Variants in ADA2 observed in about 807,000 individuals in gnomAD.
ADA2 encodes the protein adenosine deaminase CECR1.
A neutral mutation model predicts 44.2 loss-of-function variants in ADA2; 29 were observed. That is an observed-to-expected ratio of 0.66 (90% CI 0.49 to 0.89). The LOEUF is 0.89. Among genes scored for constraint, ADA2 ranks in the 40% least tolerant of loss-of-function variants. The pLI, the probability that ADA2 is intolerant of heterozygous loss-of-function variation, is 0.00. For synonymous variants in ADA2, 215 were observed against 234.9 expected, an observed-to-expected ratio of 0.92 and a Z score of 0.77; for missense variants, 637 against 644.8, an observed-to-expected ratio of 0.99 and a Z score of 0.13.
At chr22:17,199,446 T>TCTATCCTCATCCCCA in intron 4 of ADA2, 1 of 917,628 alleles carries the variant, frequency 1.1e-6, no homozygotes, top group East Asian at 2.8e-5. Flanking sequence ...CCTCTTCCCC[T>TCTATCCTCATCCCCA]CCACCCACGA....
chr22:17,216,856 A>G (rs1201356227), intron 1 of ADA2, among the ~76,000 whole-genome samples: 1 of 152,078 alleles, frequency 6.6e-6, no homozygotes, highest in Non-Finnish European at 1.5e-5. Flanking sequence ...AATAACAAAT[A>G]TAACCAGAGC....
At chr22:17,192,959 G>A in intron 4 of ADA2, 1 of 606,902 alleles carries the variant, frequency 1.6e-6, no homozygotes, top group East Asian at 3.4e-5. Flanking sequence ...GAACCAAAAA[G>A]TTCATCTGGC....
At chr22:17,192,121 A>G (rs2062124209) in intron 4 of ADA2, among the ~76,000 whole-genome samples, 1 of 152,056 alleles carries the variant, frequency 6.6e-6, no homozygotes, top group Non-Finnish European at 1.5e-5. Context: ...AAGTCCAGCC[A>G]GGCTGGACTT....
chr22:17,186,391 G>A (rs1421424733), intron 7 of ADA2, among the ~76,000 whole-genome samples: 3 of 148 alleles, frequency 0.02, no homozygotes, highest in African/African-American at 0.062. Flanking sequence ...GACCAGCCTG[G>A]GCCAACATGG....
intron 1 of ADA2, 150 bp from the exon 2 acceptor site, chr22:17,209,873 AG>A (rs1323435464): frequency 3.6e-6 from 2 of 551,554 alleles, no homozygotes; most frequent in African/African-American, 3.9e-5. Flanking sequence ...AGGTACAGAC[AG>A]GTAGGGGTTT....
intron 9 of ADA2, 60 bp from the exon 10 acceptor site, chr22:17,181,636 G>A: frequency 4.0e-6 from 5 of 1,250,290 alleles, no homozygotes; most frequent in Non-Finnish European, 5.9e-6. Flanking sequence ...ACGGGGCAGG[G>A]AGCCTGAGAG....
In ADA2 at chr22:17,216,771, AAC is replaced by A. The variant is rs1555888343; in HGVS notation, c.-47+2583_-47+2584del. On this transcript the variant is annotated intron_variant, in intron 1 of 9. Transcript: ENST00000399837. ...AAGACTCCACCTCAAAAAAAAAAAA[AAC>A]ACACACACACACACACATATATATA... 4.7e-4 allele frequency among the ~76,000 whole-genome samples: 64 copies of A among 135,080 alleles called. 1 individual carries two copies. Among genetic ancestry groups the A allele is most frequent in the Middle Eastern group, 3.7e-3 (1 of 272 alleles). The allele number at this position is 135,080 out of a possible 152,430, so 88.6% of individuals were successfully genotyped here.
At chr22:17,200,992 C>A (rs1317926791) in intron 4 of ADA2, among the ~76,000 whole-genome samples, 1 of 151,824 alleles carries the variant, frequency 6.6e-6, no homozygotes, top group Non-Finnish European at 1.5e-5. Context: ...AGTGGATCAG[C>A]TGAGGTCAGG....
intron 2 of ADA2, among the ~76,000 whole-genome samples, chr22:17,208,446 A>G (rs201860231): frequency 1.8e-4 from 6 of 33,324 alleles, no homozygotes; most frequent in Admixed American, 5.9e-4. Context: ...AAAAAAAAAG[A>G]AAAAAAAAAA....
intron 7 of ADA2, among the ~76,000 whole-genome samples, chr22:17,186,389 TG>T (rs11303371): frequency 1 from 152,040 of 152,058 alleles, 76,011 homozygotes; most frequent in Admixed American, 1. Flanking sequence ...AAGACCAGCC[TG>T]GGCCAACATG....
At position 17,179,930 on chromosome 22, in the gene ADA2, G is replaced by C. The variant is rs1284784944; in HGVS notation, c.*1553C>G. 1 of 152,264 alleles carries C rather than the reference G, an allele frequency of 6.6e-6. No individual in the cohort carries two copies. The highest frequency in any genetic ancestry group is 6.5e-5 in the Admixed American group (1 of 15,284). The allele number at this position is 152,264 out of a possible 1,614,324, so 9.4% of individuals were successfully genotyped here. A position where few individuals can be genotyped will look rare whatever the true frequency, so the allele number is the denominator to read the frequency against. The stretch of plus-strand genomic sequence containing the variant: ...GTGGACCACGAGGTCAGGTGTTCGA[G>C]ACCAGCCTGGCCAACATAGTGAAAC... On this transcript the variant is annotated 3_prime_UTR_variant, in exon 10 of 10. Transcript: ENST00000399837.
Position 17,181,264 on chromosome 22 carries a change from G to A in ADA2, c.*219C>T. On this transcript the variant is annotated 3_prime_UTR_variant, in exon 10 of 10. Coordinates refer to ENST00000399837, the MANE Select transcript of ADA2 (RefSeq NM_001282225.2). ...CTGAAATAGGGAAACTGGAAGAAAT[G>A]GCCAGAGACAGGAGAAAACCAAGAG... 1 of 534,962 alleles carries A rather than the reference G, an allele frequency of 1.9e-6. No homozygotes were observed. The highest frequency in any genetic ancestry group is 3.4e-6 in the Non-Finnish European group (1 of 296,822). The allele number at this position is 534,962 out of a possible 1,614,324, so 33.1% of individuals were successfully genotyped here. A position where few individuals can be genotyped will look rare whatever the true frequency, so the allele number is the denominator to read the frequency against.
intron 7 of ADA2, among the ~76,000 whole-genome samples, chr22:17,183,961 T>TTC (rs2062005382): frequency 1.6e-5 from 2 of 126,226 alleles, no homozygotes; most frequent in South Asian, 5.5e-4. Flanking sequence ...CTTTCTTTTT[T>TTC]TTTTTTTTTT....
chr22:17,191,269 G>A (rs1296724611), intron 5 of ADA2, among the ~76,000 whole-genome samples: 1 of 152,208 alleles, frequency 6.6e-6, no homozygotes, highest in Non-Finnish European at 1.5e-5. Flanking sequence ...GTGCCACTCA[G>A]GGTGTCTCCG....
chr22:17,189,019 CTTTTT>C (rs71200243), intron 6 of ADA2, among the ~76,000 whole-genome samples: 1 of 102,948 alleles, frequency 9.7e-6, no homozygotes, highest in Admixed American at 1.0e-4. Flanking sequence ...AATCTAGATT[CTTTTT>C]TTTTTTTTTT....
intron 4 of ADA2, among the ~76,000 whole-genome samples, chr22:17,197,867 C>T (rs961815339): frequency 2.0e-5 from 3 of 152,002 alleles, no homozygotes; most frequent in African/African-American, 7.2e-5. Flanking sequence ...GGAGAAACCC[C>T]GTCTCTACTA....
At chr22:17,207,816 C>A (rs1376109211) in intron 2 of ADA2, among the ~76,000 whole-genome samples, 2 of 152,140 alleles carry the variant, frequency 1.3e-5, no homozygotes, top group African/African-American at 2.4e-5. Flanking sequence ...ACTTGTCCTC[C>A]ATCCTCTCAT....
intron 7 of ADA2, among the ~76,000 whole-genome samples, chr22:17,188,083 G>GAAA (rs1263052837): frequency 1.2e-5 from 1 of 85,290 alleles, no homozygotes; most frequent in African/African-American, 3.9e-5. Context: ...GTAAAAAAAA[G>GAAA]AAAAAAAAAG....
rs572965112 is a variant in ADA2 at position 17,201,659 on chromosome 22, T to C, written c.753+1904A>G. ...TCCTGCCCACTCCCACAATACCCCATCTCCCTCAGCCCAACAAAAACATCC... is the reference window on the plus strand; with the variant it reads ...TCCTGCCCACTCCCACAATACCCCACCTCCCTCAGCCCAACAAAAACATCC... On this transcript the variant is annotated intron_variant, in intron 4 of 9. Coordinates refer to ENST00000399837, the MANE Select transcript of ADA2 (RefSeq NM_001282225.2). 3.3e-5 allele frequency among the ~76,000 whole-genome samples: 5 copies of C among 152,030 alleles called. No homozygotes were observed. In the South Asian group the frequency reaches 1.0e-3, roughly 32 times the overall value.
Sources: allele counts gnomAD v4.1 joint callset (sites outside exome capture counted in the v4.1 genomes callset), GRCh38; gene constraint gnomAD v4.1.1; transcripts MANE v1.5; gene names NCBI Gene and HGNC (gene_info 2026-07-23, HGNC 2026-07-21).